HOMER2: variants seen among roughly 807,000 people sequenced by gnomAD.
HOMER2 encodes homer scaffold protein 2, also known as homer protein homolog 2.
A neutral mutation model predicts 47.0 loss-of-function variants in HOMER2; 27 were observed. That is an observed-to-expected ratio of 0.57 (90% CI 0.42 to 0.79). The LOEUF (loss-of-function observed/expected upper bound fraction) is 0.79, where lower values mean the gene tolerates loss of function less well. Among genes scored for constraint, HOMER2 ranks in the 30% least tolerant of loss-of-function variants. HOMER2 has a pLI of 0.00. For synonymous variants in HOMER2, 161 were observed against 163.8 expected, an observed-to-expected ratio of 0.98 and a Z score of 0.13; for missense variants, 443 against 435.0, an observed-to-expected ratio of 1.02 and a Z score of -0.16.
At chr15:82,901,506 A>T (rs1007270592) in intron 1 of HOMER2, among the ~76,000 whole-genome samples, 5 of 152,182 alleles carry the variant, frequency 3.3e-5, no homozygotes, top group African/African-American at 1.2e-4. Flanking sequence ...CTCCACACAT[A>T]TATCTCCCTC....
chr15:82,984,828 A>T (rs892445550), intron 1 of HOMER2, among the ~76,000 whole-genome samples: 6 of 152,162 alleles, frequency 3.9e-5, no homozygotes, highest in Admixed American at 1.3e-4. Context: ...AGAAACAAAC[A>T]AACAAACAAA....
At chr15:82,916,356 G>A (rs1212815928) in intron 1 of HOMER2, among the ~76,000 whole-genome samples, 2 of 152,150 alleles carry the variant, frequency 1.3e-5, no homozygotes, top group African/African-American at 2.4e-5. Context: ...GAATATCCCA[G>A]GAAACAAGAC....
intron 1 of HOMER2, among the ~76,000 whole-genome samples, chr15:82,982,642 G>A (rs1190768557): frequency 6.6e-6 from 1 of 152,134 alleles, no homozygotes; most frequent in Non-Finnish European, 1.5e-5. Flanking sequence ...GGGACATTTT[G>A]TATTTTGTAT....
At chr15:82,879,001 C>T (rs1313752144) in intron 2 of HOMER2, among the ~76,000 whole-genome samples, 2 of 152,196 alleles carry the variant, frequency 1.3e-5, no homozygotes, top group Non-Finnish European at 2.9e-5. Flanking sequence ...TGGGTATTTT[C>T]TATTAATCTG....
rs567936162 is a variant in HOMER2 at position 82,851,238 on chromosome 15, G to GA, written c.763-8dup. On this transcript the variant is annotated splice_polypyrimidine_tract_variant and splice_region_variant and intron_variant, in intron 7 of 8. Coordinates refer to ENST00000450735, the MANE Select transcript of HOMER2 (RefSeq NM_004839.4). ...TTCGGAGATCTTTCAGCTCCTACATGAAAAAAATTTGAGATAGAACATGAA... is the reference window on the plus strand; with the variant it reads ...TTCGGAGATCTTTCAGCTCCTACATGAAAAAAAATTTGAGATAGAACATGAA... 2.6e-6 allele frequency: 4 copies of GA among 1,546,740 alleles called. No individual in the cohort carries two copies. The highest frequency in any genetic ancestry group is 2.4e-5 in the East Asian group (1 of 41,688).
intron 1 of HOMER2, among the ~76,000 whole-genome samples, chr15:82,973,898 T>G: frequency 6.6e-6 from 1 of 151,640 alleles, no homozygotes; most frequent in South Asian, 2.1e-4. Context: ...AAACACTGTC[T>G]CTACTAAAAA....
At chr15:82,892,574 TTA>T (rs1481572187) in intron 2 of HOMER2, 109 bp downstream of exon 2, 7 of 820,378 alleles carry the variant, frequency 8.5e-6, no homozygotes, top group Non-Finnish European at 1.1e-5. Context: ...ACAGAATATG[TTA>T]TACAGACATT....
intron 1 of HOMER2, among the ~76,000 whole-genome samples, chr15:82,904,065 A>G (rs2053215202): frequency 6.6e-6 from 1 of 152,138 alleles, no homozygotes; most frequent in South Asian, 2.1e-4. Context: ...TGGGCCCGGG[A>G]GGTGGAGGCT....
chr15:82,849,639 A>G lies in HOMER2; in HGVS notation c.*76T>C, dbSNP rs1218377434. 22 of 1,335,294 alleles carry G rather than the reference A, an allele frequency of 1.6e-5. No individual in the cohort carries two copies. The highest frequency in any genetic ancestry group is 2.1e-5 in the Non-Finnish European group (21 of 977,948). 82.7% of individuals were successfully genotyped at this position (1,335,294 alleles called of 1,614,324 possible). ...CTGCATTTACAGAAGCAATGCACAC[A>G]GAAGAACGTCCTAGAGCTATCTGGT... On this transcript the variant is annotated 3_prime_UTR_variant, in exon 9 of 9. Coordinates refer to ENST00000450735, the MANE Select transcript of HOMER2 (RefSeq NM_004839.4).
intron 2 of HOMER2, among the ~76,000 whole-genome samples, chr15:82,881,522 C>A (rs929852095): frequency 6.6e-6 from 1 of 152,146 alleles, no homozygotes; most frequent in African/African-American, 2.4e-5. Context: ...ACAACAACAA[C>A]AAATCACAGA....
At chr15:82,893,154 C>T (rs1245769683) in intron 1 of HOMER2, among the ~76,000 whole-genome samples, 1 of 152,090 alleles carries the variant, frequency 6.6e-6, no homozygotes, top group South Asian at 2.1e-4. Context: ...CTTTTTCTGA[C>T]ATCCTGTTGT....
At chr15:82,909,231 T>C (rs746209086) in intron 1 of HOMER2, among the ~76,000 whole-genome samples, 13 of 152,138 alleles carry the variant, frequency 8.5e-5, no homozygotes, top group Non-Finnish European at 1.6e-4. Context: ...AAAACAGCAC[T>C]CAGGCAAAAG....
chr15:82,901,034 T>C (rs1337340454), intron 1 of HOMER2, among the ~76,000 whole-genome samples: 1 of 152,066 alleles, frequency 6.6e-6, no homozygotes, highest in African/African-American at 2.4e-5. Flanking sequence ...TTTCCTAGAG[T>C]GTCTGACAGT....
At chr15:82,857,840 G>A (rs953597454) in intron 5 of HOMER2, among the ~76,000 whole-genome samples, 1 of 152,152 alleles carries the variant, frequency 6.6e-6, no homozygotes, top group African/African-American at 2.4e-5. Context: ...CCCTGAGTGT[G>A]CTCATGGGAC....
chr15:82,905,153 A>C (rs1260647368), intron 1 of HOMER2, among the ~76,000 whole-genome samples: 1 of 152,222 alleles, frequency 6.6e-6, no homozygotes, highest in Non-Finnish European at 1.5e-5. Context: ...TGCGTTCATT[A>C]GTAGACAGGA....
At chr15:82,936,003 C>T (rs564711000) in intron 1 of HOMER2, among the ~76,000 whole-genome samples, 74 of 152,316 alleles carry the variant, frequency 4.9e-4, no homozygotes, top group African/African-American at 1.7e-3. Context: ...CAAATAAAAC[C>T]GCCAGTCCAT....
intron 1 of HOMER2, among the ~76,000 whole-genome samples, chr15:82,935,576 C>T (rs192228468): frequency 6.6e-6 from 1 of 152,170 alleles, no homozygotes; most frequent in Non-Finnish European, 1.5e-5. Context: ...CCACTCACCC[C>T]CTCAACCTGA....
intron 2 of HOMER2, 36 bp from the exon 3 acceptor site, chr15:82,875,440 T>C (rs2151070547): frequency 3.1e-6 from 5 of 1,610,240 alleles, no homozygotes; most frequent in Non-Finnish European, 4.2e-6. Flanking sequence ...AAAATTTAAA[T>C]GTTGAATGAG....
chr15:82,978,686 A>G (rs2030289087), intron 1 of HOMER2, among the ~76,000 whole-genome samples: 1 of 151,876 alleles, frequency 6.6e-6, no homozygotes, highest in Non-Finnish European at 1.5e-5. Flanking sequence ...CCCCCATGCT[A>G]TTCTTGTGAT....
Sources: allele counts gnomAD v4.1 joint callset (sites outside exome capture counted in the v4.1 genomes callset), GRCh38; gene constraint gnomAD v4.1.1; transcripts MANE v1.5; gene names NCBI Gene and HGNC (gene_info 2026-07-23, HGNC 2026-07-21).